The following SLC17A1 variants were observed in gnomAD, a reference collection of about 807,000 sequenced individuals.
The protein encoded by SLC17A1 is solute carrier family 17 member 1, also known as sodium-dependent phosphate transport protein 1.
In SLC17A1, 51 loss-of-function variants were observed where a neutral mutation model predicts 53.5. That is an observed-to-expected ratio of 0.95 (90% CI 0.76 to 1.20). The LOEUF (loss-of-function observed/expected upper bound fraction) is 1.20. Among genes scored for constraint, SLC17A1 ranks in the 50% most tolerant of loss-of-function variants. The pLI is 0.00. For missense variants in SLC17A1, 538 were observed against 568.2 expected (o/e 0.95, Z 0.54); for synonymous variants, 179 against 198.8 (o/e 0.90, Z 0.84).
Position 25,812,839 on chromosome 6 carries a change from T to C in SLC17A1, c.889A>G (p.Ile297Val), listed in dbSNP as rs1207819079. 10 of 1,605,190 alleles carry C rather than the reference T, an allele frequency of 6.2e-6. No individual in the cohort carries two copies. The highest frequency in any genetic ancestry group is 1.7e-6 in the Non-Finnish European group (2 of 1,175,104). Reference sequence around the variant, plus strand: ...ACAAATAGTATACTTACCTCTTTTATATTAACATGAAGCATGGAGTTGATA... The same window carrying C: ...ACAAATAGTATACTTACCTCTTTTACATTAACATGAAGCATGGAGTTGATA... ...MFINSMLHVNIKENGFLSSLP... is the reference protein window; with the variant it reads ...MFINSMLHVNVKENGFLSSLP... Residue 297 changes from isoleucine to valine, a missense_variant, in exon 8 of 13, where the codon ATA becomes GTA. Physicochemically the swap from Ile to Val is conservative, Grantham distance 29 (BLOSUM62 3). Transcript: ENST00000244527.
At chr6:25,826,161 C>A (rs886840958) in intron 3 of SLC17A1, among the ~76,000 whole-genome samples, 3 of 152,062 alleles carry the variant, frequency 2.0e-5, no homozygotes, top group Non-Finnish European at 4.4e-5. Flanking sequence ...ACCTTCCACT[C>A]CTAATTTAAA....
chr6:25,814,986 CACAA>C (rs201026104), intron 6 of SLC17A1, among the ~76,000 whole-genome samples: 1,800 of 34,538 alleles, frequency 0.052, 37 homozygotes, highest in African/African-American at 0.23. Context: ...GACTCTGTCA[CACAA>C]ACACACACAC....
rs76049279 is a variant in SLC17A1, at chr6:25,823,391, A to G, written c.207+3070T>C. On this transcript the variant is annotated intron_variant, in intron 3 of 12. Transcript: ENST00000244527. ...TATGCTTAATTTTTTATGAAATGACAAAGTGTATTCCAAAGTGGTTGTACC... is the reference window on the plus strand; with the variant it reads ...TATGCTTAATTTTTTATGAAATGACGAAGTGTATTCCAAAGTGGTTGTACC... Among the ~76,000 whole-genome samples, 1,214 of 152,246 alleles carry G rather than the reference A, an allele frequency of 8.0e-3. 42 individuals carry two copies. The highest frequency in any genetic ancestry group is 0.029 in the East Asian group (153 of 5,188).
chr6:25,777,883 T>C, the SLC17A1 span: 19 of 1,518,924 alleles, frequency 1.3e-5, no homozygotes, highest in South Asian at 2.0e-4. Flanking sequence ...CTTTCAAACG[T>C]AGGTATACTT....
At chr6:25,784,834 T>C (rs1197031828) in intron 12 of SLC17A1, among the ~76,000 whole-genome samples, 2 of 152,136 alleles carry the variant, frequency 1.3e-5, no homozygotes, top group Non-Finnish European at 2.9e-5. Context: ...ATATGTGTTT[T>C]CTCTCTAAGA....
At chr6:25,731,762 A>T in the SLC17A1 span, 1 of 1,516,338 alleles carries the variant, frequency 6.6e-7, no homozygotes, top group Admixed American at 1.9e-5. Flanking sequence ...TGTGGAGCTC[A>T]TCTGCTGGCC....
At chr6:25,751,959 GT>G in the SLC17A1 span, among the ~76,000 whole-genome samples, 21 of 152,170 alleles carry the variant, frequency 1.4e-4, no homozygotes, top group Admixed American at 1.4e-3. Context: ...TGAAGTTTTT[GT>G]TCCTATATGC....
At chr6:25,773,792 A>T in the SLC17A1 span, 1 of 982,332 alleles carries the variant, frequency 1.0e-6, no homozygotes, top group Non-Finnish European at 1.5e-6. Flanking sequence ...ACCAGGCAGG[A>T]CCTCCATATA....
At chr6:25,784,743 G>C (rs539173188) in intron 12 of SLC17A1, among the ~76,000 whole-genome samples, 1 of 152,212 alleles carries the variant, frequency 6.6e-6, no homozygotes, top group Non-Finnish European at 1.5e-5. Context: ...AGAGTCATAC[G>C]GCTCTGAAAC....
At chr6:25,821,388 T>A (rs1165151) in intron 3 of SLC17A1, among the ~76,000 whole-genome samples, 9 of 152,168 alleles carry the variant, frequency 5.9e-5, no homozygotes, top group African/African-American at 2.4e-5. Context: ...AGGCACATCC[T>A]TATAGTAGCC....
At chr6:25,773,537 C>T in the SLC17A1 span, 15 of 1,613,788 alleles carry the variant, frequency 9.3e-6, no homozygotes, top group Non-Finnish European at 1.3e-5. Context: ...CTGGTCTCTT[C>T]CCATTAGGGC....
the SLC17A1 span, among the ~76,000 whole-genome samples, chr6:25,730,132 A>G: frequency 2.0e-5 from 3 of 152,234 alleles, no homozygotes; most frequent in African/African-American, 4.8e-5. Flanking sequence ...TAGAACTACC[A>G]TATAATCCAA....
rs34669145 is a variant in SLC17A1, at chr6:25,802,935, C to CTTTTTTTTTTTTTTTTTTT, written c.1179-1974_1179-1956dup. Reference sequence around the variant, plus strand: ...ATGACGTTTTAACGACTATCTTCTTCTTTTTTTTTTTTTTTTTTTTTTTTT... The same window carrying CTTTTTTTTTTTTTTTTTTT: ...ATGACGTTTTAACGACTATCTTCTTCTTTTTTTTTTTTTTTTTTTTTTTTTTTTTTTTTTTTTTTTTTTT... On this transcript the variant is annotated intron_variant, in intron 10 of 12. Transcript: ENST00000244527. 2.8e-4 allele frequency among the ~76,000 whole-genome samples: 13 copies of CTTTTTTTTTTTTTTTTTTT among 46,062 alleles called. 4 individuals are homozygous for CTTTTTTTTTTTTTTTTTTT. Among genetic ancestry groups the CTTTTTTTTTTTTTTTTTTT allele is most frequent in the African/African-American group, 9.9e-4 (11 of 11,086 alleles). 30.2% of individuals were successfully genotyped at this position (46,062 alleles called of 152,430 possible).
chr6:25,801,074 T>C, intron 10 of SLC17A1, 94 bp from the exon 11 acceptor site: 1 of 740,502 alleles, frequency 1.4e-6, no homozygotes, highest in Admixed American at 2.3e-5. Context: ...AGATAATTGC[T>C]CATTTTGCAA....
the SLC17A1 span, chr6:25,776,883 T>C: frequency 6.2e-7 from 1 of 1,613,970 alleles, no homozygotes. Flanking sequence ...GACCATGACC[T>C]TCTTGGTGCT....
chr6:25,731,173 A>G, the SLC17A1 span, among the ~76,000 whole-genome samples: 1 of 152,210 alleles, frequency 6.6e-6, no homozygotes, highest in African/African-American at 2.4e-5. Context: ...CAGAAACCTT[A>G]GGCTTTGGAC....
At chr6:25,803,180 G>A (rs555653014) in intron 10 of SLC17A1, among the ~76,000 whole-genome samples, 17 of 151,718 alleles carry the variant, frequency 1.1e-4, no homozygotes, top group South Asian at 4.2e-4. Flanking sequence ...CTCATGATCC[G>A]CCTGCCTCAA....
At chr6:25,726,293 T>G in the SLC17A1 span, 1 of 1,614,086 alleles carries the variant, frequency 6.2e-7, no homozygotes, top group Non-Finnish European at 8.5e-7. Flanking sequence ...CGGGGAATAA[T>G]GCGAGTTTTT....
chr6:25,821,307 G>C (rs1431173501), intron 3 of SLC17A1, among the ~76,000 whole-genome samples: 1 of 151,974 alleles, frequency 6.6e-6, no homozygotes, highest in Non-Finnish European at 1.5e-5. Flanking sequence ...TATTTCTCTT[G>C]GATGGAAAAG....
Sources: gnomAD v4.1 joint callset for allele counts (sites outside exome capture counted in the v4.1 genomes callset) on GRCh38, gnomAD v4.1.1 for gene constraint, MANE v1.5 for transcripts, NCBI Gene and HGNC (gene_info 2026-07-23, HGNC 2026-07-21) for gene names.